The following IGF1 variants were observed in gnomAD, a reference collection of about 807,000 sequenced individuals.
The protein encoded by IGF1 is insulin-like growth factor 1.
A neutral mutation model predicts 13.8 loss-of-function variants in IGF1; 4 were observed. The ratio of observed to expected loss-of-function variants is 0.29; its 90% CI spans 0.14 to 0.66. IGF1 has a LOEUF of 0.66. IGF1 is among the 30% of genes least tolerant of loss of function. IGF1 has a pLI of 0.78. For missense variants in IGF1, 124 were observed against 188.5 expected, an observed-to-expected ratio of 0.66 and a Z score of 2.00; for synonymous variants, 76 against 72.6, an observed-to-expected ratio of 1.05 and a Z score of -0.23.
intron 2 of IGF1, among the ~76,000 whole-genome samples, chr12:102,459,384 G>A (rs1879713886): frequency 6.6e-6 from 1 of 152,180 alleles, no homozygotes; most frequent in Non-Finnish European, 1.5e-5. Context: ...GCCTCAAGCA[G>A]TCTTGCACAT....
chr12:102,398,489 C>CT lies in IGF1; in HGVS notation c.*4017dup, dbSNP rs1395220019. 6.6e-6 allele frequency: 1 copy of CT among 152,108 alleles called. No homozygotes were observed. The highest frequency in any genetic ancestry group is 1.9e-4 in the East Asian group (1 of 5,204). The allele number at this position is 152,108 out of a possible 1,614,324, so 9.4% of individuals were successfully genotyped here. A position where few individuals can be genotyped will look rare whatever the true frequency, so the allele number is the denominator to read the frequency against. ...AAATTCTTCTATTTGCCTATAAGAT[C>CT]TTTTTTCCCGCGTTTATTCTCCATG... On this transcript the variant is annotated 3_prime_UTR_variant, in exon 4 of 4. Coordinates refer to ENST00000337514, the MANE Select transcript of IGF1 (RefSeq NM_000618.5).
chr12:102,479,985 A>C (rs1881307349), intron 1 of IGF1, among the ~76,000 whole-genome samples: 1 of 151,316 alleles, frequency 6.6e-6, no homozygotes, highest in Non-Finnish European at 1.5e-5. Context: ...AGAAAAAAAA[A>C]ATCCCCAAGT....
At chr12:102,405,946 A>G (rs956928976) in intron 3 of IGF1, among the ~76,000 whole-genome samples, 2 of 152,234 alleles carry the variant, frequency 1.3e-5, no homozygotes, top group African/African-American at 4.8e-5. Context: ...TTTTCTCTCA[A>G]AGCACAAGGT....
At chr12:102,441,922 C>CTTCTTCTTCTTCTTA (rs1877810281) in intron 2 of IGF1, among the ~76,000 whole-genome samples, 1 of 122,448 alleles carries the variant, frequency 8.2e-6, no homozygotes, top group East Asian at 2.3e-4. Flanking sequence ...TCTCCTTCTT[C>CTTCTTCTTCTTCTTA]TTCTTCTTCT....
chr12:102,408,699 G>A (rs760867348), intron 3 of IGF1, among the ~76,000 whole-genome samples: 30 of 152,280 alleles, frequency 2.0e-4, no homozygotes, highest in Middle Eastern at 3.4e-3. Flanking sequence ...AAGTATGGTG[G>A]GGACATTGAG....
At chr12:102,475,870 G>A (rs1464884357) in intron 1 of IGF1, 71 bp from the exon 2 acceptor site, 1 of 1,464,088 alleles carries the variant, frequency 6.8e-7, no homozygotes, top group Non-Finnish European at 9.4e-7. Context: ...TGGGACAGAA[G>A]TGCATTGACT....
At chr12:102,422,374 T>A (rs1875808508) in intron 2 of IGF1, among the ~76,000 whole-genome samples, 1 of 152,202 alleles carries the variant, frequency 6.6e-6, no homozygotes, top group Admixed American at 6.5e-5. Context: ...TCATTGTACG[T>A]CATTGGGAAT....
intron 2 of IGF1, among the ~76,000 whole-genome samples, chr12:102,431,857 A>T (rs141041420): frequency 6.6e-6 from 1 of 152,272 alleles, no homozygotes; most frequent in Non-Finnish European, 1.5e-5. Context: ...CCCTTGAGAG[A>T]GAAGTCTGTG....
chr12:102,408,149 C>A (rs1874326925), intron 3 of IGF1, among the ~76,000 whole-genome samples: 1 of 152,138 alleles, frequency 6.6e-6, no homozygotes, highest in Non-Finnish European at 1.5e-5. Flanking sequence ...TGACCTGCTC[C>A]CAAAAAGGGC....
rs767987024 is a variant in IGF1 at position 102,442,997 on chromosome 12, C to T, written c.221-23307G>A. ...GGAAAATGGCTCAGAGATCACAAAG[C>T]TCATTAAGTGATGCTAATAGGACTG... On this transcript the variant is annotated intron_variant, in intron 2 of 3. Coordinates refer to ENST00000337514, the MANE Select transcript of IGF1 (RefSeq NM_000618.5). Among the ~76,000 whole-genome samples, 8 of 151,974 alleles carry T rather than the reference C, an allele frequency of 5.3e-5. 1 individual carries two copies. Among genetic ancestry groups the T allele is most frequent in the Non-Finnish European group, 7.4e-5 (5 of 67,962 alleles).
At chr12:102,402,744 G>T (rs1520220) in intron 3 of IGF1, 178 bp from the exon 4 acceptor site, 3 of 623,860 alleles carry the variant, frequency 4.8e-6, no homozygotes, top group Non-Finnish European at 8.7e-6. Flanking sequence ...TAGTACTTTT[G>T]CCAAACCTCA....
At chr12:102,421,046 C>T (rs1452384159) in intron 2 of IGF1, among the ~76,000 whole-genome samples, 1 of 152,194 alleles carries the variant, frequency 6.6e-6, no homozygotes, top group Non-Finnish European at 1.5e-5. Context: ...TGCTACCAAA[C>T]CAGTTTGGCT....
intron 2 of IGF1, among the ~76,000 whole-genome samples, chr12:102,442,352 C>G (rs1877938310): frequency 6.6e-6 from 1 of 151,988 alleles, no homozygotes; most frequent in Non-Finnish European, 1.5e-5. Context: ...GGTGTGAAAC[C>G]ATGGGGAATA....
At chr12:102,473,962 A>C (rs1448222450) in intron 2 of IGF1, among the ~76,000 whole-genome samples, 1 of 152,230 alleles carries the variant, frequency 6.6e-6, no homozygotes, top group Non-Finnish European at 1.5e-5. Context: ...ATCACAATTC[A>C]ACCTGGCACG....
intron 2 of IGF1, among the ~76,000 whole-genome samples, chr12:102,470,572 A>G (rs1053256476): frequency 1.3e-5 from 2 of 152,188 alleles, no homozygotes; most frequent in African/African-American, 4.8e-5. Flanking sequence ...GGCCAGGGTC[A>G]TAAGGTCAAA....
intron 2 of IGF1, chr12:102,462,801 A>C (rs1880014060): frequency 6.6e-6 from 1 of 152,204 alleles, no homozygotes; most frequent in Admixed American, 6.5e-5. Flanking sequence ...GAGAGACTGG[A>C]ATTATAAGGT....
intron 2 of IGF1, among the ~76,000 whole-genome samples, chr12:102,433,276 A>G (rs1044912348): frequency 6.6e-6 from 1 of 152,224 alleles, no homozygotes; most frequent in Non-Finnish European, 1.5e-5. Context: ...TGTAGACGCT[A>G]TTCTCAGTAC....
At chr12:102,476,410 T>TGAGAGA (rs36047405) in intron 1 of IGF1, among the ~76,000 whole-genome samples, 5,812 of 139,068 alleles carry the variant, frequency 0.042, 203 homozygotes, top group African/African-American at 0.082. Flanking sequence ...TTCCTCAATA[T>TGAGAGA]GAGAGAGAGA....
At chr12:102,472,447 C>G (rs1202302015) in intron 2 of IGF1, among the ~76,000 whole-genome samples, 2 of 152,028 alleles carry the variant, frequency 1.3e-5, no homozygotes, top group Non-Finnish European at 2.9e-5. Context: ...TTAAATATTG[C>G]AGATTGACAA....
Sources: gnomAD v4.1 joint callset for allele counts (sites outside exome capture counted in the v4.1 genomes callset) on GRCh38, gnomAD v4.1.1 for gene constraint, MANE v1.5 for transcripts, NCBI Gene and HGNC (gene_info 2026-07-23, HGNC 2026-07-21) for gene names.